Variants in PDE10A observed in about 807,000 individuals in gnomAD.
The protein encoded by PDE10A is phosphodiesterase 10A.
In PDE10A, 39 loss-of-function variants were observed where a neutral mutation model predicts 97.7. The observed-to-expected ratio is 0.40, with a 90% CI of 0.31 to 0.52. PDE10A has a LOEUF of 0.52. Ranked by LOEUF, PDE10A falls within the 20% of genes least tolerant of loss-of-function variation. PDE10A has a pLI of 0.56. For missense variants in PDE10A, 731 were observed against 1,047.8 expected, an observed-to-expected ratio of 0.70 and a Z score of 4.17; for synonymous variants, 371 against 376.8, an observed-to-expected ratio of 0.98 and a Z score of 0.18.
rs183647221 is a variant in PDE10A at position 165,974,998 on chromosome 6, T to C, written c.-615+12531A>G. Among the ~76,000 whole-genome samples the C allele has an allele frequency of 6.6e-4, 101 of 152,264 alleles. No homozygotes were observed. In the Middle Eastern group the frequency reaches 0.01, roughly 15 times the overall value. Reference sequence around the variant, plus strand: ...GTATTCTTTCCTGGCTGCGCAGGGATTGTGAGGGTGTTACCTTGAGCTGCA... The same window carrying C: ...GTATTCTTTCCTGGCTGCGCAGGGACTGTGAGGGTGTTACCTTGAGCTGCA... On this transcript the variant is annotated intron_variant, in intron 1 of 19. Coordinates refer to the PDE10A transcript ENST00000366882.
chr6:165,986,513 G>GTCTCTCTCTCTCTCTCTCTCTCTCTC (rs55892857), intron 1 of PDE10A: 1 of 146,058 alleles, frequency 6.8e-6, no homozygotes, highest in African/African-American at 2.6e-5. Flanking sequence ...CTCTCTCTCT[G>GTCTCTCTCTCTCTCTCTCTCTCTCTC]TCTCTCTCTC....
intron 1 of PDE10A, among the ~76,000 whole-genome samples, chr6:165,750,676 T>C (rs1792978513): frequency 6.6e-6 from 1 of 152,210 alleles, no homozygotes; most frequent in Admixed American, 6.5e-5. Flanking sequence ...TCTTTGACTG[T>C]CATGAGGAGT....
chr6:165,778,215 T>C (rs527386444), intron 1 of PDE10A, among the ~76,000 whole-genome samples: 13 of 152,128 alleles, frequency 8.5e-5, no homozygotes, highest in Non-Finnish European at 1.8e-4. Context: ...GGACTACAGG[T>C]GCCCACCATC....
chr6:165,457,871 CA>C (rs1778053591), intron 3 of PDE10A, among the ~76,000 whole-genome samples: 1 of 152,256 alleles, frequency 6.6e-6, no homozygotes, highest in Admixed American at 6.5e-5. Context: ...TGTAAACATG[CA>C]TTAGACAGCT....
chr6:165,449,084 T>C, intron 4 of PDE10A, 107 bp from the exon 5 acceptor site: 9 of 784,874 alleles, frequency 1.1e-5, no homozygotes, highest in Non-Finnish European at 1.8e-5. Context: ...ATTGATTTGT[T>C]AACAGAATCA....
chr6:165,416,077 G>A, intron 12 of PDE10A, 112 bp downstream of exon 12: 1 of 720,916 alleles, frequency 1.4e-6, no homozygotes, highest in South Asian at 1.6e-5. Context: ...GAAAACTAAG[G>A]AAGAAAGAAC....
Position 165,589,214 on chromosome 6 carries a change from CA to C in PDE10A, c.866-45647del, listed in dbSNP as rs1182254125. 3.3e-5 allele frequency among the ~76,000 whole-genome samples: 5 copies of C among 152,186 alleles called. 1 individual carries two copies. The highest frequency in any genetic ancestry group is 2.6e-4 in the Admixed American group (4 of 15,292). On this transcript the variant is annotated intron_variant, in intron 1 of 21. Coordinates refer to ENST00000539869, the MANE Select transcript of PDE10A (RefSeq NM_001385079.1). Reference sequence around the variant, plus strand: ...TCCAATTCTGTTTACAAGCAAGGTACAGGGGAAAAGTTAATTGGGTAAAATG... The same window carrying C: ...TCCAATTCTGTTTACAAGCAAGGTACGGGGAAAAGTTAATTGGGTAAAATG...
intron 18 of PDE10A, among the ~76,000 whole-genome samples, chr6:165,351,591 G>A (rs552978437): frequency 1.3e-5 from 2 of 152,250 alleles, no homozygotes; most frequent in African/African-American, 2.4e-5. Context: ...CACTGTCATA[G>A]TTATCCATAC....
At chr6:165,654,708 C>A (rs1562662443) in intron 1 of PDE10A, among the ~76,000 whole-genome samples, 1 of 152,180 alleles carries the variant, frequency 6.6e-6, no homozygotes, top group Non-Finnish European at 1.5e-5. Flanking sequence ...ATTCAAAAGG[C>A]CCCGTCTGCC....
intron 1 of PDE10A, among the ~76,000 whole-genome samples, chr6:165,749,344 C>CCAT (rs1792930885): frequency 1.2e-5 from 1 of 82,616 alleles, no homozygotes; most frequent in Non-Finnish European, 2.5e-5. Context: ...ACCATCACCA[C>CCAT]CACCATTATC....
chr6:165,731,586 C>T (rs1792438678), intron 1 of PDE10A, among the ~76,000 whole-genome samples: 1 of 152,168 alleles, frequency 6.6e-6, no homozygotes, highest in Non-Finnish European at 1.5e-5. Context: ...GAAAATACTG[C>T]GGAGCCGTTA....
At chr6:165,523,571 G>A (rs1458225934) in intron 2 of PDE10A, among the ~76,000 whole-genome samples, 2 of 152,136 alleles carry the variant, frequency 1.3e-5, no homozygotes, top group African/African-American at 4.8e-5. Context: ...GCTATATGCA[G>A]AAGAAAGAAC....
chr6:165,615,220 A>G (rs866319979), intron 1 of PDE10A, among the ~76,000 whole-genome samples: 1 of 148,440 alleles, frequency 6.7e-6, no homozygotes, highest in Non-Finnish European at 1.5e-5. Flanking sequence ...AGAAAAAAAA[A>G]AAAGAAAGAA....
intron 1 of PDE10A, among the ~76,000 whole-genome samples, chr6:165,937,070 T>A (rs1196022295): frequency 6.6e-6 from 1 of 152,204 alleles, no homozygotes; most frequent in Non-Finnish European, 1.5e-5. Context: ...GGGGTGACCA[T>A]GACAATTTTT....
At chr6:165,977,401 A>G (rs1359184024) in intron 1 of PDE10A, among the ~76,000 whole-genome samples, 2 of 152,194 alleles carry the variant, frequency 1.3e-5, no homozygotes, top group African/African-American at 4.8e-5. Flanking sequence ...GTGATGGTCC[A>G]TCTTTCTTCT....
chr6:165,897,658 C>T (rs914782087), intron 1 of PDE10A, among the ~76,000 whole-genome samples: 1 of 142,926 alleles, frequency 7.0e-6, no homozygotes, highest in Non-Finnish European at 1.5e-5. Flanking sequence ...AGGCTTCTTG[C>T]TTTGCTTCCT....
intron 5 of PDE10A, among the ~76,000 whole-genome samples, chr6:165,445,879 T>G (rs900390945): frequency 6.8e-6 from 1 of 147,082 alleles, no homozygotes; most frequent in African/African-American, 2.5e-5. Flanking sequence ...CATGGAAGAA[T>G]AGAATTCACA....
intron 1 of PDE10A, among the ~76,000 whole-genome samples, chr6:165,942,028 A>T (rs906831046): frequency 6.6e-6 from 1 of 152,140 alleles, no homozygotes; most frequent in African/African-American, 2.4e-5. Context: ...TCCTCTCATG[A>T]TGCCATCCGG....
chr6:165,887,117 C>T (rs1193719858), intron 1 of PDE10A, among the ~76,000 whole-genome samples: 1 of 152,144 alleles, frequency 6.6e-6, no homozygotes, highest in East Asian at 1.9e-4. Flanking sequence ...AGTTAAACAG[C>T]AGGTTAGACA....
Sources: allele counts gnomAD v4.1 joint callset (sites outside exome capture counted in the v4.1 genomes callset), GRCh38; gene constraint gnomAD v4.1.1; transcripts MANE v1.5; gene names NCBI Gene and HGNC (gene_info 2026-07-23, HGNC 2026-07-21).